Variants in CD38 observed in about 807,000 individuals in gnomAD.
CD38 encodes CD38 molecule, also known as ADP-ribosyl cyclase/cyclic ADP-ribose hydrolase 1.
A neutral mutation model predicts 36.3 loss-of-function variants in CD38; 31 were observed. That is an observed-to-expected ratio of 0.85 (90% CI 0.64 to 1.15). The LOEUF is 1.15. Among genes scored for constraint, CD38 ranks in the 50% most tolerant of loss-of-function variants. The pLI, the probability that CD38 is intolerant of heterozygous loss-of-function variation, is 0.00. For synonymous variants in CD38, 131 were observed against 135.2 expected (o/e 0.97, Z 0.22); for missense variants, 380 against 371.9 (o/e 1.02, Z -0.18).
intron 1 of CD38, among the ~76,000 whole-genome samples, chr4:15,812,339 G>A (rs1723492067): frequency 6.6e-6 from 1 of 152,198 alleles, no homozygotes; most frequent in African/African-American, 2.4e-5. Context: ...AGAAGGAACT[G>A]GGATTTTTAT....
intron 1 of CD38, among the ~76,000 whole-genome samples, chr4:15,805,948 T>C (rs1723331852): frequency 6.6e-6 from 1 of 152,234 alleles, no homozygotes; most frequent in African/African-American, 2.4e-5. Context: ...GTAATTACCC[T>C]GCAAGATCTG....
rs145093502 is a variant in CD38 at position 15,824,905 on chromosome 4, G to C, written c.388G>C (p.Asp130His). Residue 130 changes from aspartate (D) to histidine (H), a missense_variant, in exon 3 of 8, where the codon GAT becomes CAT. Transcript: ENST00000226279. ...NKILLWSRIK[D>H]LAHQFTQVQR... Reference sequence around the variant, plus strand: ...GATTCTTCTTTGGAGCAGAATAAAAGATCTGGCCCATCAGTTCACACAGGT... The same window carrying C: ...GATTCTTCTTTGGAGCAGAATAAAACATCTGGCCCATCAGTTCACACAGGT... The C allele has an allele frequency of 5.5e-5, 88 of 1,613,390 alleles. No homozygotes were observed. The highest frequency in any genetic ancestry group is 7.0e-5 in the Non-Finnish European group (83 of 1,179,642).
chr4:15,788,991 C>A (rs7661891), intron 1 of CD38, among the ~76,000 whole-genome samples: 66,405 of 151,910 alleles, frequency 0.44, 16,917 homozygotes, highest in African/African-American at 0.72. Flanking sequence ...TCATAAGGTT[C>A]GAATAAAACT....
intron 7 of CD38, among the ~76,000 whole-genome samples, chr4:15,840,818 T>C (rs1724190694): frequency 6.6e-6 from 1 of 152,196 alleles, no homozygotes; most frequent in Non-Finnish European, 1.5e-5. Context: ...GATGGCATAT[T>C]TTTTCATTCC....
chr4:15,778,668 C>T lies in CD38; in HGVS notation c.233+21C>T, dbSNP rs1205654914. 2.0e-6 allele frequency: 3 copies of T among 1,517,404 alleles called. No homozygotes were observed. The highest frequency in any genetic ancestry group is 2.7e-6 in the Non-Finnish European group (3 of 1,093,854). 94.0% of individuals were successfully genotyped at this position (1,517,404 alleles called of 1,614,324 possible). A position where few individuals can be genotyped will look rare whatever the true frequency, so the allele number is the denominator to read the frequency against. ...ATGAGGTGGGTTGGCGACTAAGGCG[C>T]ACCGGTGGGCACTGCGGGGACAGCA... On this transcript the variant is annotated intron_variant, in intron 1 of 7. Coordinates refer to ENST00000226279, the MANE Select transcript of CD38 (RefSeq NM_001775.4). The surrounding 1 kb of genome is among the most constrained non-coding windows in gnomAD (Gnocchi z 4.9).
chr4:15,840,472 C>A lies in CD38; in HGVS notation c.773C>A (p.Thr258Asn). 6.2e-7 allele frequency: 1 copy of A among 1,602,610 alleles called. No individual in the cohort carries two copies. The highest frequency in any genetic ancestry group is 8.5e-7 in the Non-Finnish European group (1 of 1,170,268). ...EDSRDLCQDP[T>N]IKELESIISK... ...CCCAGAGACTTATGCCAGGATCCCA[C>A]CATAAAAGAGCTGGAATCGATTATA... The change falls in exon 7 of 8, where the codon ACC becomes AAC. Residue 258 changes from threonine (T) to asparagine (N), a missense_variant. Coordinates refer to ENST00000226279, the MANE Select transcript of CD38 (RefSeq NM_001775.4).
At chr4:15,791,737 G>C (rs1340927726) in intron 1 of CD38, among the ~76,000 whole-genome samples, 1 of 79,964 alleles carries the variant, frequency 1.3e-5, no homozygotes, top group Non-Finnish European at 2.3e-5. Flanking sequence ...GCCTCTGCCC[G>C]GCCGCCCCTA....
Position 15,824,899 on chromosome 4 carries a change from A to G in CD38, c.382A>G (p.Ile128Val). The change falls in exon 3 of 8, where the codon ATA becomes GTA. Residue 128 changes from isoleucine (I) to valine (V), a missense_variant. Ile to Val is a conservative substitution (Grantham distance 29, BLOSUM62 3). Coordinates refer to ENST00000226279, the MANE Select transcript of CD38 (RefSeq NM_001775.4). ...TCCTTAGATTCTTCTTTGGAGCAGAATAAAAGATCTGGCCCATCAGTTCAC... is the reference window on the plus strand; with the variant it reads ...TCCTTAGATTCTTCTTTGGAGCAGAGTAAAAGATCTGGCCCATCAGTTCAC... ...PCNKILLWSR[I>V]KDLAHQFTQV... 1 of 1,613,732 alleles carries G rather than the reference A, an allele frequency of 6.2e-7. No homozygotes were observed. Among genetic ancestry groups the G allele is most frequent in the Non-Finnish European group, 8.5e-7 (1 of 1,179,678 alleles).
intron 1 of CD38, among the ~76,000 whole-genome samples, chr4:15,787,319 T>G (rs1277572073): frequency 6.6e-6 from 1 of 152,252 alleles, no homozygotes; most frequent in Non-Finnish European, 1.5e-5. Context: ...TATTCTATAG[T>G]CACTCTGGCT....
At chr4:15,801,740 C>T (rs1362538866) in intron 1 of CD38, among the ~76,000 whole-genome samples, 1 of 152,114 alleles carries the variant, frequency 6.6e-6, no homozygotes. Flanking sequence ...TAAAATTCAA[C>T]ATCCCTCCAT....
Position 15,840,432 on chromosome 4 carries a change from C to T in CD38, c.753-20C>T. On this transcript the variant is annotated intron_variant, in intron 6 of 7. Coordinates refer to ENST00000226279, the MANE Select transcript of CD38 (RefSeq NM_001775.4). ...TTTGTGAGATCTTGTAATTTTAATA[C>T]TTTCTTCTTTCTTCCCCAGAGACTT... 1.3e-6 allele frequency: 2 copies of T among 1,491,806 alleles called. No homozygotes were observed. The highest frequency in any genetic ancestry group is 9.3e-7 in the Non-Finnish European group (1 of 1,080,212). 92.4% of individuals were successfully genotyped at this position (1,491,806 alleles called of 1,614,324 possible).
At chr4:15,784,104 C>G (rs1281674181) in intron 1 of CD38, among the ~76,000 whole-genome samples, 1 of 152,212 alleles carries the variant, frequency 6.6e-6, no homozygotes, top group African/African-American at 2.4e-5. Context: ...GGCCTGTACA[C>G]AGCCAAGAGG....
intron 3 of CD38, among the ~76,000 whole-genome samples, chr4:15,833,985 C>T (rs1724011586): frequency 6.6e-6 from 1 of 152,204 alleles, no homozygotes; most frequent in Non-Finnish European, 1.5e-5. Flanking sequence ...AGAACCATGA[C>T]TCAAAACTTG....
At chr4:15,838,310 TG>T (rs1189816434) in intron 5 of CD38, 145 bp downstream of exon 5, 1 of 660,272 alleles carries the variant, frequency 1.5e-6, no homozygotes, top group African/African-American at 1.8e-5. Context: ...TTGAATTCCG[TG>T]GAGAGAGTTG....
rs539895767 is a variant in CD38 at position 15,851,759 on chromosome 4, G to A, written c.*3157G>A. 6.6e-6 allele frequency: 1 copy of A among 152,272 alleles called. No individual in the cohort carries two copies. The highest frequency in any genetic ancestry group is 2.4e-5 in the African/African-American group (1 of 41,560). The allele number at this position is 152,272 out of a possible 1,614,324, so 9.4% of individuals were successfully genotyped here. A position where few individuals can be genotyped will look rare whatever the true frequency, so the allele number is the denominator to read the frequency against. ...TGCCAACAGTGGGGATATGTTCTGA[G>A]AAATGCATCATTAGATGATTTTGTC... On this transcript the variant is annotated 3_prime_UTR_variant, in exon 8 of 8. Transcript: ENST00000226279.
At chr4:15,818,493 C>A (rs1723655523) in intron 2 of CD38, among the ~76,000 whole-genome samples, 1 of 152,222 alleles carries the variant, frequency 6.6e-6, no homozygotes, top group Admixed American at 6.5e-5. Flanking sequence ...GCACAGCACA[C>A]CAACTCTGCT....
chr4:15,848,632 G>C lies in CD38; in HGVS notation c.*30G>C. ...GTCGCTGTGGTTGTTTTAGCTCCTTGACTCCTTGTGGTTTATGTCATCATA... is the reference window on the plus strand; with the variant it reads ...GTCGCTGTGGTTGTTTTAGCTCCTTCACTCCTTGTGGTTTATGTCATCATA... On this transcript the variant is annotated 3_prime_UTR_variant, in exon 8 of 8. Transcript: ENST00000226279. 1 of 1,584,640 alleles carries C rather than the reference G, an allele frequency of 6.3e-7. No individual in the cohort carries two copies. Among genetic ancestry groups the C allele is most frequent in the East Asian group, 2.2e-5 (1 of 44,742 alleles).
intron 1 of CD38, among the ~76,000 whole-genome samples, chr4:15,784,288 G>A (rs73799153): frequency 0.045 from 6,875 of 152,294 alleles, 504 homozygotes; most frequent in African/African-American, 0.15. Flanking sequence ...GTGGGGCAGA[G>A]TCAGGAAGCA....
At chr4:15,824,114 C>G (rs561607550) in intron 2 of CD38, among the ~76,000 whole-genome samples, 20 of 152,006 alleles carry the variant, frequency 1.3e-4, no homozygotes, top group African/African-American at 4.6e-4. Context: ...ACATGGACAC[C>G]AGGAGGGGAA....
Sources: gnomAD v4.1 joint callset for allele counts (sites outside exome capture counted in the v4.1 genomes callset) on GRCh38, gnomAD v4.1.1 for gene constraint, Gnocchi (gnomAD v3.1) non-coding constraint, MANE v1.5 for transcripts, NCBI Gene and HGNC (gene_info 2026-07-23, HGNC 2026-07-21) for gene names.